Variants in CYB5D2 observed in about 807,000 individuals in gnomAD.
CYB5D2 encodes neuferricin.
A neutral mutation model predicts 22.8 loss-of-function variants in CYB5D2; 23 were observed. That is an observed-to-expected ratio of 1.01 (90% CI 0.73 to 1.43). The LOEUF is 1.43. Among genes scored for constraint, CYB5D2 ranks in the 40% most tolerant of loss-of-function variants. The pLI is 0.00. For missense variants in CYB5D2, 373 were observed against 357.2 expected, an observed-to-expected ratio of 1.04 and a Z score of -0.36; for synonymous variants, 170 against 152.2, an observed-to-expected ratio of 1.12 and a Z score of -0.86.
chr17:4,152,915 T>G (rs907484060), intron 2 of CYB5D2, among the ~76,000 whole-genome samples: 1 of 152,112 alleles, frequency 6.6e-6, no homozygotes, highest in Admixed American at 6.6e-5. Context: ...GTAGCTGGGA[T>G]TACAGGCATG....
chr17:4,144,975 A>G (rs563933457), intron 1 of CYB5D2, among the ~76,000 whole-genome samples: 1 of 151,840 alleles, frequency 6.6e-6, no homozygotes, highest in Non-Finnish European at 1.5e-5. Flanking sequence ...TTTAGTAGAG[A>G]CGGGGTTTCA....
At chr17:4,150,596 A>C (rs1293950813) in intron 2 of CYB5D2, among the ~76,000 whole-genome samples, 1 of 152,188 alleles carries the variant, frequency 6.6e-6, no homozygotes, top group Non-Finnish European at 1.5e-5. Flanking sequence ...AAAGACTCTA[A>C]ACACTAGGCC....
Position 4,143,642 on chromosome 17 carries a change from CG to C in CYB5D2, c.-113del. On this transcript the variant is annotated 5_prime_UTR_variant, in exon 1 of 4. Coordinates refer to ENST00000301391, the MANE Select transcript of CYB5D2 (RefSeq NM_144611.4). ...GGGAGGGAGCGCGAGCACTAGCGCG[CG>C]AGAGAGAGAGCGAGAGCGCGCGCGC... The C allele has an allele frequency of 7.0e-7, 1 of 1,437,856 alleles. No individual in the cohort carries two copies. Among genetic ancestry groups the C allele is most frequent in the South Asian group, 1.4e-5 (1 of 72,432 alleles). The allele number at this position is 1,437,856 out of a possible 1,614,324, so 89.1% of individuals were successfully genotyped here.
chr17:4,149,959 G>A lies in CYB5D2; in HGVS notation c.319G>A (p.Asp107Asn), dbSNP rs368344135. 5.3e-5 allele frequency: 85 copies of A among 1,613,990 alleles called. No homozygotes were observed. Among genetic ancestry groups the A allele is most frequent in the African/African-American group, 1.6e-4 (12 of 74,896 alleles). ...SEAGLVDDVS[D>N]LSAAEMLTLH... is the part of the protein sequence containing the mutation. ...AGCAGGCCTCGTGGATGACGTATCC[G>A]ACCTGTCAGCCGCTGAGATGCTGAC... Residue 107 changes from aspartate (D) to asparagine (N), a missense_variant, in exon 2 of 4, where the codon GAC (aspartate) becomes AAC (asparagine). Asp to Asn is a conservative substitution (Grantham distance 23). Coordinates refer to ENST00000301391, the MANE Select transcript of CYB5D2 (RefSeq NM_144611.4).
At chr17:4,147,666 T>C (rs9891440) in intron 1 of CYB5D2, among the ~76,000 whole-genome samples, 138,419 of 152,224 alleles carry the variant, frequency 0.91, 64,421 homozygotes, top group Non-Finnish European at 1. Context: ...CCAGCCTGAC[T>C]AACATGGAGA....
Position 4,143,615 on chromosome 17 carries a change from A to G in CYB5D2, c.-141A>G, listed in dbSNP as rs2058920058. On this transcript the variant is annotated 5_prime_UTR_variant, in exon 1 of 4. Coordinates refer to ENST00000301391, the MANE Select transcript of CYB5D2 (RefSeq NM_144611.4). ...GAATACAGATAAAACGAGAGAGACT[A>G]AGGGAGGGAGCGCGAGCACTAGCGC... The G allele has an allele frequency of 8.4e-7, 1 of 1,193,024 alleles. No individual in the cohort carries two copies. The highest frequency in any genetic ancestry group is 1.5e-5 in the South Asian group (1 of 67,054). The allele number at this position is 1,193,024 out of a possible 1,614,324, so 73.9% of individuals were successfully genotyped here. A position where few individuals can be genotyped will look rare whatever the true frequency, so the allele number is the denominator to read the frequency against.
intron 1 of CYB5D2, among the ~76,000 whole-genome samples, chr17:4,145,043 C>T (rs540925006): frequency 3.2e-4 from 49 of 152,284 alleles, no homozygotes; most frequent in Middle Eastern, 3.4e-3. Flanking sequence ...ACCTTGGCCT[C>T]CCAAAGTGCT....
rs768476882 is a variant in CYB5D2 at position 4,154,740 on chromosome 17, C to G, written c.458C>G (p.Ala153Gly). 1 of 1,614,222 alleles carries G rather than the reference C, an allele frequency of 6.2e-7. No homozygotes were observed. Among genetic ancestry groups the G allele is most frequent in the South Asian group, 1.1e-5 (1 of 91,086 alleles). The change falls in exon 3 of 4, where the codon GCT becomes GGT. Residue 153 changes from alanine to glycine, a missense_variant. Transcript: ENST00000301391. ...LPTPALTQVE[A>G]AITRGLEANK... ...ACCCCGGCACTGACCCAGGTAGAAG[C>G]TGCGATCACCAGAGGCTTGGAGGCC...
Position 4,143,993 on chromosome 17 carries a change from A to G in CYB5D2, c.238A>G (p.Ser80Gly), listed in dbSNP as rs2058939243. ...RRHYEPGSHY[S>G]GFAGRDASRA... ...GCACTACGAGCCTGGGTCCCACTAT[A>G]GCGGCTTCGCAGGTATCAGCGAGGC... The change falls in exon 1 of 4, where the codon AGC (serine) becomes GGC (glycine). Residue 80 changes from serine to glycine, a missense_variant. Ser to Gly is a moderately conservative substitution (Grantham distance 56). Transcript: ENST00000301391. The G allele has an allele frequency of 6.2e-7, 1 of 1,604,842 alleles. No individual in the cohort carries two copies. The highest frequency in any genetic ancestry group is 1.3e-5 in the African/African-American group (1 of 74,672).
chr17:4,149,020 A>G (rs1407448343), intron 1 of CYB5D2, among the ~76,000 whole-genome samples: 1 of 151,412 alleles, frequency 6.6e-6, no homozygotes, highest in East Asian at 1.9e-4. Context: ...TGGCATGGTC[A>G]TAGCTCAAAC....
chr17:4,154,650 A>C (rs1025350514), intron 2 of CYB5D2, 24 bp from the exon 3 acceptor site: 1 of 1,607,016 alleles, frequency 6.2e-7, no homozygotes, highest in Non-Finnish European at 8.5e-7. Flanking sequence ...ACTCTCACTC[A>C]CATCTGCCTT....
At chr17:4,144,130 G>C in intron 1 of CYB5D2, 125 bp downstream of exon 1, 1 of 1,359,424 alleles carries the variant, frequency 7.4e-7, no homozygotes, top group Non-Finnish European at 9.8e-7. Context: ...CATCAAACCC[G>C]TGCGGTGGGC....
At chr17:4,151,821 A>G (rs541963006) in intron 2 of CYB5D2, among the ~76,000 whole-genome samples, 1 of 152,178 alleles carries the variant, frequency 6.6e-6, no homozygotes, top group African/African-American at 2.4e-5. Context: ...CCTGACCAAC[A>G]TGGCAAAACC....
At chr17:4,146,615 C>T (rs1268883637) in intron 1 of CYB5D2, among the ~76,000 whole-genome samples, 1 of 151,984 alleles carries the variant, frequency 6.6e-6, no homozygotes, top group Non-Finnish European at 1.5e-5. Context: ...TGGTCTCGAT[C>T]TCCTGACCTC....
Position 4,143,717 on chromosome 17 carries a change from C to T in CYB5D2, c.-39C>T, listed in dbSNP as rs180807759. 462 of 1,572,546 alleles carry T rather than the reference C, an allele frequency of 2.9e-4. 1 individual carries two copies. Among genetic ancestry groups the T allele is most frequent in the African/African-American group, 2.0e-3 (147 of 73,890 alleles). On this transcript the variant is annotated 5_prime_UTR_variant, in exon 1 of 4. Coordinates refer to ENST00000301391, the MANE Select transcript of CYB5D2 (RefSeq NM_144611.4). ...CGGCCATCTTAGCTGTAGATAGAGGCGGCAACCTCGGAAGTGCGGAGCGGG... is the reference window on the plus strand; with the variant it reads ...CGGCCATCTTAGCTGTAGATAGAGGTGGCAACCTCGGAAGTGCGGAGCGGG...
rs766807509 is a variant in CYB5D2, at chr17:4,156,827, TTC to T, written c.579-36_579-35del. 4 of 1,605,244 alleles carry T rather than the reference TTC, an allele frequency of 2.5e-6. No homozygotes were observed. In the South Asian group the frequency reaches 4.4e-5, roughly 18 times the overall value. On this transcript the variant is annotated intron_variant, in intron 3 of 3. Transcript: ENST00000301391. ...TCTCCCCTTCCCAGAGACTCATGAG[TTC>T]TCACATTTAAGAAGTCCTCTTTCCG...
At chr17:4,153,980 C>T (rs2059085665) in intron 2 of CYB5D2, among the ~76,000 whole-genome samples, 1 of 152,252 alleles carries the variant, frequency 6.6e-6, no homozygotes, top group East Asian at 1.9e-4. Context: ...TGCTTCCTTT[C>T]TGCTTCTCTT....
At chr17:4,156,785 G>A in intron 3 of CYB5D2, 81 bp from the exon 4 acceptor site, 3 of 1,463,098 alleles carry the variant, frequency 2.1e-6, no homozygotes, top group Non-Finnish European at 2.8e-6. Flanking sequence ...CAGAAGGCCT[G>A]GCTCTCTGCT....
intron 3 of CYB5D2, among the ~76,000 whole-genome samples, chr17:4,155,711 C>A (rs1391741640): frequency 3.3e-5 from 5 of 152,170 alleles, no homozygotes; most frequent in Non-Finnish European, 7.4e-5. Context: ...CTCTGAGACT[C>A]CAGGAGGAGG....
Sources: allele counts gnomAD v4.1 joint callset (sites outside exome capture counted in the v4.1 genomes callset), GRCh38; gene constraint gnomAD v4.1.1; transcripts MANE v1.5; gene names NCBI Gene and HGNC (gene_info 2026-07-23, HGNC 2026-07-21).